Variants in COL12A1 observed in about 807,000 individuals in gnomAD.
COL12A1 encodes the protein collagen type XII alpha 1 chain, also known as collagen alpha-1(XII) chain.
A neutral mutation model predicts 349.7 loss-of-function variants in COL12A1; 114 were observed. That is an observed-to-expected ratio of 0.33 (90% confidence interval 0.28 to 0.38). The LOEUF is 0.38. Ranked by LOEUF, COL12A1 falls within the 10% of genes least tolerant of loss-of-function variation. COL12A1 has a pLI of 1.00. For synonymous variants in COL12A1, 1,369 were observed against 1,329.0 expected (o/e 1.03, Z -0.66); for missense variants, 3,284 against 3,756.9 (o/e 0.87, Z 3.29).
At position 75,175,116 on chromosome 6, in the gene COL12A1, G is replaced by T. The variant is rs765303183; in HGVS notation, c.2632C>A (p.Gln878Lys). Residue 878 changes from glutamine to lysine, a missense_variant, in exon 13 of 66, where the codon CAA becomes AAA. By Grantham distance (53) the Gln-to-Lys change is moderately conservative. Coordinates refer to ENST00000322507, the MANE Select transcript of COL12A1 (RefSeq NM_004370.6). ...AAGGCTGTCACAGATAAGGCGTATT[G>T]TGTCCCTTCCTTCAATCCCTGCAGC... ...TVLQGLKEGT[Q>K]YALSVTALYA... 2 of 1,614,024 alleles carry T rather than the reference G, an allele frequency of 1.2e-6. No homozygotes were observed. Among genetic ancestry groups the T allele is most frequent in the East Asian group, 2.2e-5 (1 of 44,886 alleles).
At chr6:75,202,483 A>G (rs1770582548) in intron 2 of COL12A1, among the ~76,000 whole-genome samples, 1 of 152,196 alleles carries the variant, frequency 6.6e-6, no homozygotes, top group South Asian at 2.1e-4. Flanking sequence ...AGACAAGCTC[A>G]AGAAGACCAC....
At chr6:75,108,315 T>C (rs1768668276) in intron 52 of COL12A1, among the ~76,000 whole-genome samples, 1 of 152,108 alleles carries the variant, frequency 6.6e-6, no homozygotes, top group Non-Finnish European at 1.5e-5. Flanking sequence ...CTTGAACTCC[T>C]GGCCTTAAGT....
At chr6:75,168,555 G>A (rs561676852) in intron 13 of COL12A1, among the ~76,000 whole-genome samples, 3 of 152,278 alleles carry the variant, frequency 2.0e-5, no homozygotes, top group East Asian at 3.9e-4. Flanking sequence ...GACTTGAACC[G>A]ATAAACAGAA....
intron 22 of COL12A1, 89 bp downstream of exon 22, chr6:75,148,269 C>T (rs537077176): frequency 4.5e-6 from 6 of 1,327,038 alleles, no homozygotes; most frequent in African/African-American, 4.4e-5. Flanking sequence ...ATCCCTCTTG[C>T]CCCTCACCTA....
At chr6:75,143,539 T>C (rs935708140) in intron 25 of COL12A1, 151 bp from the exon 26 acceptor site, 2 of 795,422 alleles carry the variant, frequency 2.5e-6, no homozygotes, top group Non-Finnish European at 3.9e-6. Context: ...AAAAGTACCA[T>C]GATTCTACCA....
intron 7 of COL12A1, 68 bp downstream of exon 7, chr6:75,189,149 C>T: frequency 6.7e-7 from 1 of 1,494,690 alleles, no homozygotes; most frequent in African/African-American, 1.4e-5. Flanking sequence ...ATCAATCTTT[C>T]ATCTTCCTAA....
chr6:75,165,440 G>T, intron 14 of COL12A1, 67 bp downstream of exon 14: 2 of 1,533,424 alleles, frequency 1.3e-6, no homozygotes, highest in Non-Finnish European at 1.8e-6. Flanking sequence ...TAAACTGCAT[G>T]TCACTTGAGC....
At chr6:75,174,513 G>A (rs556332539) in intron 13 of COL12A1, among the ~76,000 whole-genome samples, 25 of 152,174 alleles carry the variant, frequency 1.6e-4, no homozygotes, top group African/African-American at 6.0e-4. Flanking sequence ...CCGAGATAGC[G>A]CCACTGCAGT....
Position 75,138,540 on chromosome 6 carries a change from T to C in COL12A1, c.5138A>G (p.Asn1713Ser), listed in dbSNP as rs373020081. The C allele has an allele frequency of 3.0e-5, 49 of 1,613,850 alleles. No individual in the cohort carries two copies. Among genetic ancestry groups the C allele is most frequent in the Admixed American group, 1.5e-4 (9 of 59,986 alleles). The change falls in exon 29 of 66, where the codon AAC becomes AGC. Residue 1713 changes from asparagine (N) to serine (S), a missense_variant. Around this residue, in one of 2 missense-constraint regions of COL12A1, gnomAD observed 2,601 missense variants for 2,824.8 expected, o/e 0.92. Coordinates refer to ENST00000322507, the MANE Select transcript of COL12A1 (RefSeq NM_004370.6). ...TTCATAGATGGTGTTGGGGTTCAGG[T>C]TTTCGAACACCAAAGTGTTTTCATC... ...NGDENTLVFENLNPNTIYEVS... is the reference protein window; with the variant it reads ...NGDENTLVFESLNPNTIYEVS...
intron 49 of COL12A1, among the ~76,000 whole-genome samples, chr6:75,114,183 T>A (rs1332725492): frequency 9.2e-5 from 14 of 151,938 alleles, no homozygotes. Context: ...ATTTCCAATG[T>A]CAGCTGTATG....
At chr6:75,195,186 A>G (rs930457752) in intron 2 of COL12A1, among the ~76,000 whole-genome samples, 1 of 152,202 alleles carries the variant, frequency 6.6e-6, no homozygotes, top group Non-Finnish European at 1.5e-5. Context: ...TTGCTAGGTC[A>G]TTCAAGAATG....
chr6:75,190,366 G>A (rs1031016121), intron 5 of COL12A1, among the ~76,000 whole-genome samples: 1 of 151,792 alleles, frequency 6.6e-6, no homozygotes, highest in Admixed American at 6.6e-5. Flanking sequence ...TTTGCATTAG[G>A]GTTAGTCTAG....
At position 75,090,205 on chromosome 6, in the gene COL12A1, G is replaced by A. The variant is rs1431619126; in HGVS notation, c.8846C>T (p.Pro2949Leu). 4.3e-6 allele frequency: 7 copies of A among 1,614,004 alleles called. No individual in the cohort carries two copies. The highest frequency in any genetic ancestry group is 5.9e-6 in the Non-Finnish European group (7 of 1,180,012). ...TCCTCTGGCTCCTGCGCTACCAGGA[G>A]GTCCCGGTGGACCCGGCGGGCCTGG... The part of the protein sequence containing the change: ...NQPGPPGPPG[P>L]PGSAGARGEP... Residue 2949 changes from proline (P) to leucine (L), a missense_variant, in exon 63 of 66, where the codon CCT (proline) becomes CTT (leucine). Pro to Leu is a moderately conservative substitution (Grantham distance 98, BLOSUM62 -3). Transcript: ENST00000322507. The surrounding 1 kb of genome is among the most constrained non-coding windows in gnomAD (Gnocchi z 4.1).
chr6:75,181,919 G>A (rs906112360), intron 10 of COL12A1, among the ~76,000 whole-genome samples: 4 of 147,276 alleles, frequency 2.7e-5, no homozygotes, highest in Admixed American at 6.6e-5. Context: ...GGGAAACCCC[G>A]TCTCTACCAA....
At chr6:75,096,364 T>G (rs1403633587) in intron 59 of COL12A1, among the ~76,000 whole-genome samples, 1 of 152,196 alleles carries the variant, frequency 6.6e-6, no homozygotes, top group African/African-American at 2.4e-5. Context: ...CATATGCTCT[T>G]GAGTATCCTG....
At chr6:75,196,119 T>C (rs967533300) in intron 2 of COL12A1, among the ~76,000 whole-genome samples, 15 of 152,212 alleles carry the variant, frequency 9.9e-5, no homozygotes, top group Admixed American at 8.5e-4. Flanking sequence ...CTCTACAATG[T>C]TCATGCCTCA....
chr6:75,177,145 A>G (rs538591268), intron 12 of COL12A1, among the ~76,000 whole-genome samples: 1 of 152,174 alleles, frequency 6.6e-6, no homozygotes, highest in Non-Finnish European at 1.5e-5. Flanking sequence ...TTTAAATTCT[A>G]TTGACACAAG....
chr6:75,194,208 C>T (rs933876653), intron 3 of COL12A1, among the ~76,000 whole-genome samples: 3 of 152,162 alleles, frequency 2.0e-5, no homozygotes, highest in Non-Finnish European at 4.4e-5. Context: ...GTTATTTTCT[C>T]ATTCCATTTT....
rs1345149960 is a variant in COL12A1, at chr6:75,177,850, A to T, written c.2250T>A (p.Val750=). The T allele has an allele frequency of 6.2e-7, 1 of 1,613,918 alleles. No individual in the cohort carries two copies. Among genetic ancestry groups the T allele is most frequent in the Admixed American group, 1.7e-5 (1 of 59,998 alleles). ...KITWTQAPGR[V]LRYRIIYRPV... ...GTCTATATATAATTCGATATCTTAA[A>T]ACTCTCCCTGGAGCTTGAGTCCAAG... Residue 750 remains valine, a synonymous_variant, in exon 12 of 66, where the codon GTT becomes GTA. Coordinates refer to ENST00000322507, the MANE Select transcript of COL12A1 (RefSeq NM_004370.6).
Sources: allele counts gnomAD v4.1 joint callset (sites outside exome capture counted in the v4.1 genomes callset), GRCh38; gene constraint gnomAD v4.1.1; regional missense constraint gnomAD v4.1.1; non-coding constraint Gnocchi (gnomAD v3.1); transcripts MANE v1.5; gene names NCBI Gene and HGNC (gene_info 2026-07-23, HGNC 2026-07-21).